Variants in CDC42SE2 observed in about 807,000 individuals in gnomAD.
CDC42SE2 encodes the protein CDC42 small effector protein 2.
Under a neutral mutation model 11.5 loss-of-function variants are expected in CDC42SE2, and 3 were observed. The observed-to-expected ratio is 0.26, with a 90% CI of 0.12 to 0.67. CDC42SE2 has a LOEUF of 0.67. Ranked by LOEUF, CDC42SE2 falls within the 30% of genes least tolerant of loss-of-function variation. The pLI is 0.80. For missense variants in CDC42SE2, 82 were observed against 106.8 expected (o/e 0.77, Z 1.02); for synonymous variants, 33 against 34.8 (o/e 0.95, Z 0.18).
chr5:131,224,117 T>A, the CDC42SE2 span, among the ~76,000 whole-genome samples: 2 of 152,168 alleles, frequency 1.3e-5, no homozygotes, highest in African/African-American at 4.8e-5. Context: ...CCAGGCTCTG[T>A]CCTGAGCCTG....
At chr5:131,261,653 A>C (rs1468765062), upstream of CDC42SE2, 1 of 152,336 alleles carries the variant, frequency 6.6e-6, no homozygotes, top group African/African-American at 2.4e-5. Context: ...GGAGTTTCAG[A>C]CCAGCCTGGG....
At chr5:131,285,137 A>G (rs995667624) in intron 1 of CDC42SE2, among the ~76,000 whole-genome samples, 3 of 151,608 alleles carry the variant, frequency 2.0e-5, no homozygotes, top group African/African-American at 7.3e-5. Flanking sequence ...AAAAAAAAAA[A>G]TTGCCTGGTG....
intron 2 of CDC42SE2, among the ~76,000 whole-genome samples, chr5:131,345,322 G>T (rs1211921554): frequency 1.3e-5 from 2 of 152,096 alleles, no homozygotes; most frequent in African/African-American, 2.4e-5. Flanking sequence ...ACCTGATGGA[G>T]CTGAAAACCA....
chr5:131,304,281 G>A (rs1422816890), intron 1 of CDC42SE2, among the ~76,000 whole-genome samples: 1 of 152,034 alleles, frequency 6.6e-6, no homozygotes, highest in Non-Finnish European at 1.5e-5. Flanking sequence ...ACTGTACCCG[G>A]CCTAAAATAA....
chr5:131,339,341 A>G (rs1267947253), intron 2 of CDC42SE2, among the ~76,000 whole-genome samples: 1 of 151,830 alleles, frequency 6.6e-6, no homozygotes, highest in Non-Finnish European at 1.5e-5. Flanking sequence ...AGATAATGAT[A>G]AGGAAACAGT....
At chr5:131,264,918 T>C (rs1157739435) in intron 1 of CDC42SE2, among the ~76,000 whole-genome samples, 3 of 152,230 alleles carry the variant, frequency 2.0e-5, no homozygotes, top group African/African-American at 7.2e-5. Context: ...ATAAGCTTTT[T>C]TAGGGGAATT....
At chr5:131,289,130 GTA>G (rs1258538759) in intron 1 of CDC42SE2, among the ~76,000 whole-genome samples, 1 of 152,080 alleles carries the variant, frequency 6.6e-6, no homozygotes, top group African/African-American at 2.4e-5. Flanking sequence ...ATTGTCTGTT[GTA>G]TATGTTTTTA....
At chr5:131,290,654 A>G (rs766057410) in intron 1 of CDC42SE2, among the ~76,000 whole-genome samples, 1 of 150,432 alleles carries the variant, frequency 6.6e-6, no homozygotes, top group Non-Finnish European at 1.5e-5. Context: ...TAATTTTTGT[A>G]TTTTTAGTAG....
chr5:131,353,603 AT>A (rs1580774717), intron 2 of CDC42SE2, among the ~76,000 whole-genome samples: 1 of 152,248 alleles, frequency 6.6e-6, no homozygotes, highest in South Asian at 2.1e-4. Flanking sequence ...TTGACATTTC[AT>A]TTAAATTTTT....
chr5:131,321,717 T>TCCC (rs1242891826), intron 2 of CDC42SE2, among the ~76,000 whole-genome samples: 1 of 150,682 alleles, frequency 6.6e-6, no homozygotes, highest in African/African-American at 2.5e-5. Flanking sequence ...AATTCTATCT[T>TCCC]CCCCCCCGCC....
intron 2 of CDC42SE2, among the ~76,000 whole-genome samples, chr5:131,348,754 A>G (rs918744617): frequency 2.0e-5 from 3 of 152,208 alleles, no homozygotes; most frequent in Admixed American, 6.5e-5. Context: ...CTACAAGGCT[A>G]CAGTAACCAA....
chr5:131,321,397 A>C (rs1246525518), intron 2 of CDC42SE2, among the ~76,000 whole-genome samples: 1 of 152,168 alleles, frequency 6.6e-6, no homozygotes, highest in Non-Finnish European at 1.5e-5. Flanking sequence ...GTAGTGGCAC[A>C]TGCTGATAGT....
chr5:131,294,146 A>G (rs891356274), intron 1 of CDC42SE2, among the ~76,000 whole-genome samples: 2 of 152,210 alleles, frequency 1.3e-5, no homozygotes, highest in African/African-American at 4.8e-5. Context: ...AGTACGCACA[A>G]TATTGAGAAA....
At chr5:131,237,642 G>C in the CDC42SE2 span, among the ~76,000 whole-genome samples, 4 of 152,110 alleles carry the variant, frequency 2.6e-5, no homozygotes, top group African/African-American at 9.7e-5. Context: ...GCAGTGGCAC[G>C]AGCATAGCTT....
rs1750781561 is a variant in CDC42SE2, at chr5:131,394,219, A to G, written c.*3128A>G. On this transcript the variant is annotated 3_prime_UTR_variant, in exon 5 of 5. Transcript: ENST00000505065. ...ATACTGTTAATCTTTGCTGAAATAT[A>G]TGCTAACAAATGTTAAGCAAGGGAA... is the stretch of plus-strand genomic sequence containing the variant. 1 of 152,364 alleles carries G rather than the reference A, an allele frequency of 6.6e-6. No individual in the cohort carries two copies. The highest frequency in any genetic ancestry group is 2.4e-5 in the African/African-American group (1 of 41,464). The allele number at this position is 152,364 out of a possible 1,614,324, so 9.4% of individuals were successfully genotyped here.
chr5:131,363,538 A>T (rs1487059308), intron 3 of CDC42SE2, among the ~76,000 whole-genome samples: 3 of 150,764 alleles, frequency 2.0e-5, no homozygotes, highest in Non-Finnish European at 4.4e-5. Context: ...CACCATGCCC[A>T]GCTAATTTTT....
At chr5:131,335,412 G>A (rs578240403) in intron 2 of CDC42SE2, among the ~76,000 whole-genome samples, 1 of 152,208 alleles carries the variant, frequency 6.6e-6, no homozygotes, top group Non-Finnish European at 1.5e-5. Flanking sequence ...TGGAATAGGT[G>A]TGGTGTGGTG....
chr5:131,229,196 T>C, the CDC42SE2 span, among the ~76,000 whole-genome samples: 1 of 152,038 alleles, frequency 6.6e-6, no homozygotes, highest in African/African-American at 2.4e-5. Flanking sequence ...TGTGTGTTTT[T>C]AGAGATCGGG....
intron 1 of CDC42SE2, among the ~76,000 whole-genome samples, chr5:131,278,738 C>T (rs185213517): frequency 2.0e-4 from 1 of 5,044 alleles, no homozygotes; most frequent in African/African-American, 2.0e-3. Flanking sequence ...CCTCCCCTCC[C>T]CTCCCCCTCC....
Sources: allele counts gnomAD v4.1 joint callset (sites outside exome capture counted in the v4.1 genomes callset), GRCh38; gene constraint gnomAD v4.1.1; transcripts MANE v1.5; gene names NCBI Gene and HGNC (gene_info 2026-07-23, HGNC 2026-07-21).